The following PTPN14 variants were observed in gnomAD, a reference collection of about 807,000 sequenced individuals.
PTPN14 encodes the protein tyrosine-protein phosphatase non-receptor type 14.
Under a neutral mutation model 126.8 loss-of-function variants are expected in PTPN14, and 53 were observed. The observed-to-expected ratio is 0.42, with a 90% CI of 0.34 to 0.53. The LOEUF (loss-of-function observed/expected upper bound fraction) is 0.53. PTPN14 is among the 20% of genes least tolerant of loss of function. The pLI is 0.08. For synonymous variants in PTPN14, 630 were observed against 599.3 expected (o/e 1.05, Z -0.75); for missense variants, 1,257 against 1,552.9 (o/e 0.81, Z 3.20).
Position 214,369,777 on chromosome 1 carries a change from T to C in PTPN14, c.3037-86A>G, listed in dbSNP as rs145350151. ...CCTAAGATATGAAGACAGAAGAAAA[T>C]GCAAATAGCTTCTAAATCGCTAGTT... On this transcript the variant is annotated intron_variant, in intron 16 of 18. Coordinates refer to ENST00000366956, the MANE Select transcript of PTPN14 (RefSeq NM_005401.5). 1,788 of 1,219,938 alleles carry C rather than the reference T, an allele frequency of 1.5e-3. 27 individuals carry two copies. The African/African-American group carries it at 0.023, about 16-fold the overall frequency. 75.6% of individuals were successfully genotyped at this position (1,219,938 alleles called of 1,614,324 possible).
At chr1:214,361,161 T>A (rs1038659443) in intron 18 of PTPN14, among the ~76,000 whole-genome samples, 1 of 152,194 alleles carries the variant, frequency 6.6e-6, no homozygotes, top group Admixed American at 6.5e-5. Flanking sequence ...AGTGTGAGAA[T>A]GGACTAACAC....
chr1:214,471,879 T>G (rs1245736627), intron 1 of PTPN14, among the ~76,000 whole-genome samples: 1 of 152,226 alleles, frequency 6.6e-6, no homozygotes, highest in Non-Finnish European at 1.5e-5. Flanking sequence ...TCATCCAGTG[T>G]TGCCCATTGT....
intron 1 of PTPN14, among the ~76,000 whole-genome samples, chr1:214,467,782 G>A (rs1223852141): frequency 6.6e-6 from 1 of 152,214 alleles, no homozygotes; most frequent in Admixed American, 6.5e-5. Flanking sequence ...ATGGCTAGCA[G>A]ATAATCTGGT....
At chr1:214,550,446 G>A (rs1039336643) in intron 1 of PTPN14, among the ~76,000 whole-genome samples, 1 of 152,218 alleles carries the variant, frequency 6.6e-6, no homozygotes, top group East Asian at 1.9e-4. Flanking sequence ...GAGGGAAAGG[G>A]AGATAGGGGC....
At chr1:214,372,978 C>T in intron 15 of PTPN14, 139 bp from the exon 16 acceptor site, 1 of 1,207,938 alleles carries the variant, frequency 8.3e-7, no homozygotes, top group Non-Finnish European at 1.1e-6. Flanking sequence ...GAACAAAAAC[C>T]CTGAGACTAC....
intron 1 of PTPN14, among the ~76,000 whole-genome samples, chr1:214,466,290 TG>T (rs1660636597): frequency 6.6e-6 from 1 of 151,646 alleles, no homozygotes; most frequent in South Asian, 2.1e-4. Context: ...TTTTCTTTAA[TG>T]GAAAGACATG....
At chr1:214,401,603 G>T in intron 7 of PTPN14, 82 bp downstream of exon 7, 1 of 1,216,794 alleles carries the variant, frequency 8.2e-7, no homozygotes, top group Non-Finnish European at 1.1e-6. Context: ...AGCCATTCTG[G>T]CCCACTGCTA....
intron 1 of PTPN14, among the ~76,000 whole-genome samples, chr1:214,470,044 T>C (rs935837679): frequency 1.3e-5 from 2 of 152,164 alleles, no homozygotes; most frequent in Non-Finnish European, 2.9e-5. Context: ...TATACATATC[T>C]GGGAGGCCAA....
intron 1 of PTPN14, among the ~76,000 whole-genome samples, chr1:214,526,137 T>C (rs1297718140): frequency 2.0e-5 from 3 of 151,768 alleles, no homozygotes; most frequent in Admixed American, 6.6e-5. Flanking sequence ...AGCTAATTTT[T>C]ATATTTTTAG....
chr1:214,422,688 C>T (rs112788535), intron 3 of PTPN14, among the ~76,000 whole-genome samples: 2 of 152,094 alleles, frequency 1.3e-5, no homozygotes, highest in Admixed American at 6.5e-5. Context: ...AGCTACCAGG[C>T]GGAAATACAG....
chr1:214,427,906 T>C (rs913262086), intron 3 of PTPN14, among the ~76,000 whole-genome samples: 2 of 152,126 alleles, frequency 1.3e-5, no homozygotes, highest in African/African-American at 4.8e-5. Flanking sequence ...TCATGAATGT[T>C]CAAGAGGTCA....
chr1:214,511,636 G>A (rs549529903), intron 1 of PTPN14, among the ~76,000 whole-genome samples: 306 of 152,284 alleles, frequency 2.0e-3, no homozygotes, highest in African/African-American at 7.2e-3. Flanking sequence ...ATTAAAAACA[G>A]AATTCCCTTA....
chr1:214,405,017 A>C (rs1404004106), intron 5 of PTPN14, among the ~76,000 whole-genome samples: 1 of 152,024 alleles, frequency 6.6e-6, no homozygotes, highest in East Asian at 1.9e-4. Flanking sequence ...CCCCTTCCAG[A>C]CCTCCTTGCC....
chr1:214,471,836 A>T (rs1398825642), intron 1 of PTPN14, among the ~76,000 whole-genome samples: 2 of 152,248 alleles, frequency 1.3e-5, no homozygotes, highest in East Asian at 3.9e-4. Flanking sequence ...GGTGGGAAGA[A>T]GATTTCTTAT....
Position 214,434,142 on chromosome 1 carries a change from CA to C in PTPN14, c.344+17662del, listed in dbSNP as rs550704605. 2.0e-5 allele frequency among the ~76,000 whole-genome samples: 3 copies of C among 151,702 alleles called. No individual in the cohort carries two copies. The South Asian group carries it at 6.3e-4, about 32-fold the overall frequency. ...GTAAGACCCTGTCTCAAGAAAAACC[CA>C]AAAAAGTACTTCTAAAGGCTAAAGA... On this transcript the variant is annotated intron_variant, in intron 3 of 18. Coordinates refer to ENST00000366956, the MANE Select transcript of PTPN14 (RefSeq NM_005401.5).
intron 15 of PTPN14, among the ~76,000 whole-genome samples, chr1:214,373,400 C>G (rs1192713278): frequency 2.6e-5 from 4 of 152,112 alleles, no homozygotes; most frequent in Admixed American, 2.0e-4. Context: ...AAACTAGTGC[C>G]TATTAAAAAC....
chr1:214,528,288 T>C (rs1350340742), intron 1 of PTPN14: 1 of 152,220 alleles, frequency 6.6e-6, no homozygotes, highest in Non-Finnish European at 1.5e-5. Flanking sequence ...AAGACGTTAA[T>C]GGTATTTTAT....
chr1:214,460,871 T>C (rs1156926895), intron 2 of PTPN14, among the ~76,000 whole-genome samples: 1 of 152,172 alleles, frequency 6.6e-6, no homozygotes, highest in African/African-American at 2.4e-5. Flanking sequence ...CTGAAAGCCA[T>C]GTTAAATAGC....
In PTPN14 at chr1:214,351,290, T is replaced by TAAAAAAAAA. The variant is rs557321966; in HGVS notation, c.*6623_*6631dup. The TAAAAAAAAA allele has an allele frequency of 3.2e-5, 2 of 61,718 alleles. No individual in the cohort carries two copies. Among genetic ancestry groups the TAAAAAAAAA allele is most frequent in the African/African-American group, 5.6e-5 (1 of 17,700 alleles). 3.8% of individuals were successfully genotyped at this position (61,718 alleles called of 1,614,324 possible). A position where few individuals can be genotyped will look rare whatever the true frequency, so the allele number is the denominator to read the frequency against. On this transcript the variant is annotated 3_prime_UTR_variant, in exon 19 of 19. Transcript: ENST00000366956. ...AGGAGTGAGACACGATCTCAAAAACTAAAAAAAAAAAAAAAAAGAAAAAGA... is the reference window on the plus strand; with the variant it reads ...AGGAGTGAGACACGATCTCAAAAACTAAAAAAAAAAAAAAAAAAAAAAAAAAGAAAAAGA...
Sources: allele counts gnomAD v4.1 joint callset (sites outside exome capture counted in the v4.1 genomes callset), GRCh38; gene constraint gnomAD v4.1.1; transcripts MANE v1.5; gene names NCBI Gene and HGNC (gene_info 2026-07-23, HGNC 2026-07-21).